OR4F15: variants seen among roughly 807,000 people sequenced by gnomAD.
OR4F15 encodes olfactory receptor 4F15.
Under a neutral mutation model 11.9 loss-of-function variants are expected in OR4F15, and 7 were observed. The observed-to-expected ratio is 0.59, with a 90% confidence interval of 0.33 to 1.10. The LOEUF is 1.10. Ranked by LOEUF, OR4F15 falls within the 50% of genes least tolerant of loss-of-function variation. The pLI, the probability that OR4F15 is intolerant of heterozygous loss-of-function variation, is 0.03. For missense variants in OR4F15, 445 were observed against 377.5 expected (o/e 1.18, Z -1.48); for synonymous variants, 151 against 134.6 (o/e 1.12, Z -0.84).
At chr15:101,815,357 C>T (rs1902970619) in intron 1 of OR4F15, among the ~76,000 whole-genome samples, 1 of 152,044 alleles carries the variant, frequency 6.6e-6, no homozygotes, top group African/African-American at 2.4e-5. Context: ...TTTTGAGTTG[C>T]TTTACAGTCA....
At position 101,818,971 on chromosome 15, in the gene OR4F15, C is replaced by T; in HGVS notation, c.785C>T (p.Ser262Phe). Residue 262 changes from serine to phenylalanine, a missense_variant, in exon 2 of 2, where the codon TCT becomes TTT. By Grantham distance (155) the Ser-to-Phe change is radical. Transcript: ENST00000332238. Reference sequence around the variant, plus strand: ...CTGATGTTTTTCTACACATGGCCTTCTCCCACATCACACCTGGATAAATAT... The same window carrying T: ...CTGATGTTTTTCTACACATGGCCTTTTCCCACATCACACCTGGATAAATAT... Reference protein sequence around the residue: ...GPLMFFYTWPSPTSHLDKYLA... With the variant: ...GPLMFFYTWPFPTSHLDKYLA... The T allele has an allele frequency of 6.2e-7, 1 of 1,614,174 alleles. No homozygotes were observed. The highest frequency in any genetic ancestry group is 8.5e-7 in the Non-Finnish European group (1 of 1,180,014).
chr15:101,816,877 A>G (rs1453411819), intron 1 of OR4F15, among the ~76,000 whole-genome samples: 4 of 152,116 alleles, frequency 2.6e-5, no homozygotes, highest in East Asian at 3.8e-4. Flanking sequence ...CTCAATCATC[A>G]TCTTCTTCCA....
chr15:101,812,672 A>G (rs990583070), intron 1 of OR4F15, among the ~76,000 whole-genome samples: 2 of 152,236 alleles, frequency 1.3e-5, no homozygotes, highest in Non-Finnish European at 2.9e-5. Context: ...GTGAAGCTTT[A>G]AAAGATGAAA....
Position 101,819,365 on chromosome 15 carries a change from T to G in OR4F15, c.*240T>G, listed in dbSNP as rs1010765873. Reference sequence around the variant, plus strand: ...TTGTAACCTACCACTTTGAAAGACCTTGTTCTAGGTGAGTGCCATGTAATT... The same window carrying G: ...TTGTAACCTACCACTTTGAAAGACCGTGTTCTAGGTGAGTGCCATGTAATT... On this transcript the variant is annotated 3_prime_UTR_variant, in exon 2 of 2. Transcript: ENST00000332238. 2.0e-5 allele frequency: 9 copies of G among 459,074 alleles called. No homozygotes were observed. The highest frequency in any genetic ancestry group is 1.9e-4 in the Admixed American group (5 of 26,262). 28.4% of individuals were successfully genotyped at this position (459,074 alleles called of 1,614,324 possible).
chr15:101,818,292 T>A lies in OR4F15; in HGVS notation c.106T>A (p.Phe36Ile). The change falls in exon 2 of 2, where the codon TTT (phenylalanine) becomes ATT (isoleucine). Residue 36 changes from phenylalanine (F) to isoleucine (I), a missense_variant. Coordinates refer to ENST00000332238, the MANE Select transcript of OR4F15 (RefSeq NM_001001674.2). ...LLFVFSLLFY[F>I]ASMMGNLVIV... ...TTTTGTTTTCTCTTTGTTGTTCTAC[T>A]TTGCGAGCATGATGGGAAACCTTGT... 1 of 1,614,090 alleles carries A rather than the reference T, an allele frequency of 6.2e-7. No individual in the cohort carries two copies. The highest frequency in any genetic ancestry group is 8.5e-7 in the Non-Finnish European group (1 of 1,179,912).
chr15:101,817,877 G>A (rs150090519), intron 1 of OR4F15, among the ~76,000 whole-genome samples: 8 of 152,214 alleles, frequency 5.3e-5, no homozygotes, highest in African/African-American at 1.4e-4. Flanking sequence ...AGAACATCCT[G>A]GGAAGGATCA....
In OR4F15 at chr15:101,818,135, T is replaced by C; in HGVS notation, c.-37-15T>C. 1.7e-6 allele frequency: 2 copies of C among 1,178,918 alleles called. No homozygotes were observed. Among genetic ancestry groups the C allele is most frequent in the Non-Finnish European group, 2.4e-6 (2 of 820,714 alleles). 73.0% of individuals were successfully genotyped at this position (1,178,918 alleles called of 1,614,324 possible). On this transcript the variant is annotated splice_polypyrimidine_tract_variant and intron_variant, in intron 1 of 1. Coordinates refer to ENST00000332238, the MANE Select transcript of OR4F15 (RefSeq NM_001001674.2). The stretch of plus-strand genomic sequence containing the variant: ...TTGCCTAGGTAATTCTTTCTCATTT[T>C]CTTTCTTCCTTCAGGTAAGTAACAT...
At chr15:101,817,361 A>G (rs1050282038) in intron 1 of OR4F15, among the ~76,000 whole-genome samples, 9 of 152,202 alleles carry the variant, frequency 5.9e-5, no homozygotes, top group African/African-American at 2.2e-4. Flanking sequence ...CTTCAGTCTC[A>G]TTAATTTACG....
At chr15:101,814,601 A>G (rs1461655093) in intron 1 of OR4F15, among the ~76,000 whole-genome samples, 1 of 151,926 alleles carries the variant, frequency 6.6e-6, no homozygotes, top group Non-Finnish European at 1.5e-5. Flanking sequence ...ATCTACACAA[A>G]CTCCTACTTT....
In OR4F15 at chr15:101,819,556, G is replaced by T. The variant is rs113493272; in HGVS notation, c.*431G>T. The T allele has an allele frequency of 0.098, 15,379 of 157,030 alleles. 1,053 individuals are homozygous for T. Among genetic ancestry groups the T allele is most frequent in the Non-Finnish European group, 0.14 (10,270 of 71,150 alleles). 9.7% of individuals were successfully genotyped at this position (157,030 alleles called of 1,614,324 possible). A position where few individuals can be genotyped will look rare whatever the true frequency, so the allele number is the denominator to read the frequency against. On this transcript the variant is annotated 3_prime_UTR_variant, in exon 2 of 2. Coordinates refer to ENST00000332238, the MANE Select transcript of OR4F15 (RefSeq NM_001001674.2). ...GAGTCTCGCTCTGTCACCCAGGCTAGAGTGCAATGGCATGATTTCAGCTCA... is the reference window on the plus strand; with the variant it reads ...GAGTCTCGCTCTGTCACCCAGGCTATAGTGCAATGGCATGATTTCAGCTCA...
chr15:101,818,733 C>T lies in OR4F15; in HGVS notation c.547C>T (p.Arg183Trp), dbSNP rs766043618. Residue 183 changes from arginine (R) to tryptophan (W), a missense_variant, in exon 2 of 2, where the codon CGG becomes TGG. Coordinates refer to ENST00000332238, the MANE Select transcript of OR4F15 (RefSeq NM_001001674.2). ...TGACAGTTTTTACTGTGATCTCCCTCGGCTCCTCAGACTTGCCTGTACCAA... is the reference window on the plus strand; with the variant it reads ...TGACAGTTTTTACTGTGATCTCCCTTGGCTCCTCAGACTTGCCTGTACCAA... ...IFDSFYCDLP[R>W]LLRLACTNTQ... 4.3e-6 allele frequency: 7 copies of T among 1,614,110 alleles called. No homozygotes were observed. The South Asian group carries it at 4.4e-5, about 10-fold the overall frequency.
At position 101,819,302 on chromosome 15, in the gene OR4F15, T is replaced by C; in HGVS notation, c.*177T>C. 1.8e-6 allele frequency: 1 copy of C among 569,668 alleles called. No homozygotes were observed. The highest frequency in any genetic ancestry group is 3.1e-6 in the Non-Finnish European group (1 of 324,694). 35.3% of individuals were successfully genotyped at this position (569,668 alleles called of 1,614,324 possible). ...GAAGTGATGTTATCCTTTGGCACAGTGTGCATCAAAGTGCTAAATATTAAA... is the reference window on the plus strand; with the variant it reads ...GAAGTGATGTTATCCTTTGGCACAGCGTGCATCAAAGTGCTAAATATTAAA... On this transcript the variant is annotated 3_prime_UTR_variant, in exon 2 of 2. Transcript: ENST00000332238.
At position 101,818,470 on chromosome 15, in the gene OR4F15, G is replaced by T. The variant is rs144039449; in HGVS notation, c.284G>T (p.Arg95Leu). The T allele has an allele frequency of 1.3e-5, 21 of 1,614,026 alleles. No homozygotes were observed. The highest frequency in any genetic ancestry group is 1.8e-5 in the Non-Finnish European group (21 of 1,179,998). Residue 95 changes from arginine (R) to leucine (L), a missense_variant, in exon 2 of 2, where the codon CGG becomes CTG. Physicochemically the swap from Arg to Leu is moderately radical, Grantham distance 102. Coordinates refer to ENST00000332238, the MANE Select transcript of OR4F15 (RefSeq NM_001001674.2). The part of the protein sequence containing the change: ...IFKKHKAISF[R>L]GCITQIFFSH... Reference sequence around the variant, plus strand: ...AAGAAGCACAAGGCCATCTCCTTTCGGGGATGTATTACTCAGATCTTCTTT... The same window carrying T: ...AAGAAGCACAAGGCCATCTCCTTTCTGGGATGTATTACTCAGATCTTCTTT...
intron 1 of OR4F15, 114 bp from the exon 2 acceptor site, chr15:101,818,036 T>G (rs1380666797): frequency 3.2e-6 from 2 of 622,992 alleles, no homozygotes; most frequent in Non-Finnish European, 5.7e-6. Context: ...GTGATGAGGG[T>G]TATTTGGCTG....
intron 1 of OR4F15, among the ~76,000 whole-genome samples, chr15:101,817,144 TAGA>T (rs1255453355): frequency 1.3e-5 from 2 of 152,240 alleles, no homozygotes; most frequent in Non-Finnish European, 2.9e-5. Context: ...TGAACCATAT[TAGA>T]AGCCTTTTAT....
At chr15:101,816,869 C>G (rs1331674186) in intron 1 of OR4F15, among the ~76,000 whole-genome samples, 2 of 152,166 alleles carry the variant, frequency 1.3e-5, no homozygotes, top group Non-Finnish European at 2.9e-5. Flanking sequence ...CTCCATTACT[C>G]AATCATCATC....
intron 1 of OR4F15, among the ~76,000 whole-genome samples, chr15:101,815,409 T>A (rs573610837): frequency 1.6e-3 from 237 of 150,562 alleles, no homozygotes; most frequent in Admixed American, 2.7e-3. Context: ...CCCACCAGTT[T>A]TATATATATA....
In OR4F15 at chr15:101,818,416, C is replaced by T. The variant is rs1903035753; in HGVS notation, c.230C>T (p.Thr77Ile). Residue 77 changes from threonine to isoleucine, a missense_variant, in exon 2 of 2, where the codon ACA (threonine) becomes ATA (isoleucine). Thr to Ile is a moderately conservative substitution (Grantham distance 89, BLOSUM62 -1). Coordinates refer to ENST00000332238, the MANE Select transcript of OR4F15 (RefSeq NM_001001674.2). ...ATTGATATGGCATTTTGCTCAATTA[C>T]AGCCCCTAAGATGATTTGTGATATT... ...SIIDMAFCSITAPKMICDIFK... is the reference protein window; with the variant it reads ...SIIDMAFCSIIAPKMICDIFK... The T allele has an allele frequency of 1.9e-6, 3 of 1,613,916 alleles. No homozygotes were observed. Among genetic ancestry groups the T allele is most frequent in the Non-Finnish European group, 2.5e-6 (3 of 1,179,926 alleles).
At chr15:101,812,945 G>T (rs1264954347) in intron 1 of OR4F15, among the ~76,000 whole-genome samples, 3 of 152,178 alleles carry the variant, frequency 2.0e-5, no homozygotes, top group Admixed American at 2.0e-4. Flanking sequence ...GTAGTGAAAT[G>T]GAGTGATTAG....
Sources: gnomAD v4.1 joint callset for allele counts (sites outside exome capture counted in the v4.1 genomes callset) on GRCh38, gnomAD v4.1.1 for gene constraint, MANE v1.5 for transcripts, NCBI Gene and HGNC (gene_info 2026-07-23, HGNC 2026-07-21) for gene names.